PPP2R5E: variants seen among roughly 807,000 people sequenced by gnomAD.
PPP2R5E encodes the protein serine/threonine-protein phosphatase 2A 56 kDa regulatory subunit epsilon isoform.
A neutral mutation model predicts 65.3 loss-of-function variants in PPP2R5E; 4 were observed. The ratio of observed to expected loss-of-function variants is 0.06; its 90% CI spans 0.03 to 0.14. PPP2R5E has a LOEUF of 0.14. Among genes scored for constraint, PPP2R5E ranks in the 10% least tolerant of loss-of-function variants. The pLI is 1.00. For synonymous variants in PPP2R5E, 183 were observed against 187.4 expected (o/e 0.98, Z 0.19); for missense variants, 274 against 556.1 (o/e 0.49, Z 5.10).
Position 63,393,895 on chromosome 14 carries a change from T to C in PPP2R5E, c.774A>G (p.Ala258=), listed in dbSNP as rs773128001. The C allele has an allele frequency of 1.9e-6, 3 of 1,611,676 alleles. No individual in the cohort carries two copies. Among genetic ancestry groups the C allele is most frequent in the Non-Finnish European group, 1.7e-6 (2 of 1,177,974 alleles). The change falls in exon 8 of 14, where the codon GCA becomes GCG. Residue 258 remains alanine, a synonymous_variant. Transcript: ENST00000337537. ...IINGFALPLK[A]EHKQFLVKVL... ...CTTTCACCAGAAACTGTTTGTGTTCTGCCTTAAGAGGTAAAGCAAAGCCAT... is the reference window on the plus strand; with the variant it reads ...CTTTCACCAGAAACTGTTTGTGTTCCGCCTTAAGAGGTAAAGCAAAGCCAT...
chr14:63,395,405 GAGCGGGGAAGA>G, intron 6 of PPP2R5E, 120 bp from the exon 7 acceptor site: 1 of 335,476 alleles, frequency 3.0e-6, no homozygotes, highest in South Asian at 3.4e-5. Context: ...AGGAGGAGGA[GAGCGGGGAAGA>G]GAGGAGGAGA....
Position 63,533,452 on chromosome 14 carries a change from T to C in PPP2R5E, c.157+6077A>G, listed in dbSNP as rs1017522602. 3.3e-5 allele frequency among the ~76,000 whole-genome samples: 5 copies of C among 151,784 alleles called. No homozygotes were observed. In the East Asian group the frequency reaches 7.8e-4, roughly 24 times the overall value. ...GGCGCATGCCTGTAATCCCAGCTAC[T>C]TGGGAGGCTGAGGCAGGAAAATGGC... On this transcript the variant is annotated intron_variant, in intron 2 of 13. Coordinates refer to ENST00000337537, the MANE Select transcript of PPP2R5E (RefSeq NM_006246.5).
At chr14:63,417,813 G>C (rs144849834) in intron 4 of PPP2R5E, among the ~76,000 whole-genome samples, 1 of 152,012 alleles carries the variant, frequency 6.6e-6, no homozygotes, top group Non-Finnish European at 1.5e-5. Flanking sequence ...TTTAACCACC[G>C]CCACTTTTGC....
intron 5 of PPP2R5E, among the ~76,000 whole-genome samples, chr14:63,412,181 G>A (rs946355028): frequency 1.1e-4 from 17 of 152,278 alleles, no homozygotes; most frequent in African/African-American, 4.1e-4. Context: ...AATAAGCCAG[G>A]CATGGTGGTG....
At chr14:63,433,032 G>GTTTTTTTTTTTTTTTTTTTT (rs747571866) in intron 3 of PPP2R5E, among the ~76,000 whole-genome samples, 1 of 96,462 alleles carries the variant, frequency 1.0e-5, no homozygotes, top group Non-Finnish European at 2.1e-5. Flanking sequence ...GTTTTGTTTT[G>GTTTTTTTTTTTTTTTTTTTT]TTTTTTTTTT....
At chr14:63,384,817 T>C (rs372797849) in intron 11 of PPP2R5E, among the ~76,000 whole-genome samples, 1 of 152,202 alleles carries the variant, frequency 6.6e-6, no homozygotes, top group Non-Finnish European at 1.5e-5. Context: ...TGCCTCAGCC[T>C]CCCGAGTAAC....
chr14:63,539,786 C>A, intron 1 of PPP2R5E, 94 bp from the exon 2 acceptor site: 2 of 1,276,924 alleles, frequency 1.6e-6, no homozygotes, highest in South Asian at 1.5e-5. Flanking sequence ...ATACAATATT[C>A]ATGAAAATGG....
chr14:63,413,324 T>C (rs747770012), intron 5 of PPP2R5E, among the ~76,000 whole-genome samples: 13 of 152,320 alleles, frequency 8.5e-5, no homozygotes, highest in Non-Finnish European at 1.8e-4. Context: ...AGAATTACTA[T>C]CTGATCCTCT....
intron 8 of PPP2R5E, among the ~76,000 whole-genome samples, chr14:63,393,357 C>T (rs763509509): frequency 3.2e-4 from 49 of 152,092 alleles, no homozygotes; most frequent in Non-Finnish European, 5.0e-4. Context: ...AAAAAAAATG[C>T]ATACATTTTT....
chr14:63,503,323 T>C (rs1043142669), intron 2 of PPP2R5E, among the ~76,000 whole-genome samples: 10 of 152,170 alleles, frequency 6.6e-5, no homozygotes, highest in Admixed American at 5.9e-4. Context: ...ACTGAGGCCA[T>C]TGAAGAACGT....
chr14:63,442,403 T>C (rs1411407221), intron 3 of PPP2R5E, among the ~76,000 whole-genome samples: 2 of 152,004 alleles, frequency 1.3e-5, no homozygotes, highest in Non-Finnish European at 2.9e-5. Context: ...AATGGCTCTT[T>C]TGCTATTAAT....
At chr14:63,539,438 C>T (rs938285179) in intron 2 of PPP2R5E, 91 bp downstream of exon 2, 3 of 1,369,236 alleles carry the variant, frequency 2.2e-6, no homozygotes, top group Admixed American at 2.3e-5. Flanking sequence ...CTTCAATTTG[C>T]AACACATATA....
chr14:63,504,825 G>T (rs1361829367), intron 2 of PPP2R5E, among the ~76,000 whole-genome samples: 1 of 152,094 alleles, frequency 6.6e-6, no homozygotes, highest in African/African-American at 2.4e-5. Flanking sequence ...AAAAAATGCT[G>T]TCTTGGTCAT....
At chr14:63,431,656 T>C (rs1462617874) in intron 3 of PPP2R5E, among the ~76,000 whole-genome samples, 2 of 152,204 alleles carry the variant, frequency 1.3e-5, no homozygotes, top group African/African-American at 2.4e-5. Flanking sequence ...CTCTATACTT[T>C]TGTGAAGACA....
At position 63,372,626 on chromosome 14, in the gene PPP2R5E, T is replaced by C. The variant is rs1883749471; in HGVS notation, c.*3383A>G. 1 of 151,996 alleles carries C rather than the reference T, an allele frequency of 6.6e-6. No individual in the cohort carries two copies. The highest frequency in any genetic ancestry group is 2.1e-4 in the South Asian group (1 of 4,820). 9.4% of individuals were successfully genotyped at this position (151,996 alleles called of 1,614,324 possible). ...AACTCTAAACACTTAAAAATGCCAA[T>C]AACATCCATACATCCCTTTCCCATC... On this transcript the variant is annotated 3_prime_UTR_variant, in exon 14 of 14. Transcript: ENST00000337537.
intron 13 of PPP2R5E, among the ~76,000 whole-genome samples, chr14:63,379,826 CTTTTTTTTTTT>C (rs558475440): frequency 2.0e-4 from 20 of 100,280 alleles, no homozygotes; most frequent in Non-Finnish European, 2.8e-4. Context: ...TATTCTCTCT[CTTTTTTTTTTT>C]TTTTTTTTTT....
chr14:63,400,064 C>T (rs1405880051), intron 5 of PPP2R5E, among the ~76,000 whole-genome samples: 4 of 152,150 alleles, frequency 2.6e-5, no homozygotes, highest in African/African-American at 9.7e-5. Context: ...TAGGTAGAGA[C>T]AGGACACAAT....
chr14:63,421,052 C>CAAAAAAAAAAAA (rs56297942), intron 4 of PPP2R5E, among the ~76,000 whole-genome samples: 4 of 10,294 alleles, frequency 3.9e-4, no homozygotes, highest in African/African-American at 1.7e-3. Flanking sequence ...GACTCCGTCT[C>CAAAAAAAAAAAA]AAAAAAAAAA....
intron 2 of PPP2R5E, among the ~76,000 whole-genome samples, chr14:63,498,360 T>G (rs1371945223): frequency 7.1e-6 from 1 of 141,526 alleles, no homozygotes. Context: ...ACTAACCTCT[T>G]GACATCATTT....
Sources: allele counts gnomAD v4.1 joint callset (sites outside exome capture counted in the v4.1 genomes callset), GRCh38; gene constraint gnomAD v4.1.1; transcripts MANE v1.5; gene names NCBI Gene and HGNC (gene_info 2026-07-23, HGNC 2026-07-21).